PLS1: variants seen among roughly 807,000 people sequenced by gnomAD.
PLS1 encodes plastin-1.
Under a neutral mutation model 73.7 loss-of-function variants are expected in PLS1, and 32 were observed. That is an observed-to-expected ratio of 0.43 (90% confidence interval 0.33 to 0.58). The LOEUF is 0.58. Ranked by LOEUF, PLS1 falls within the 20% of genes least tolerant of loss-of-function variation. The pLI is 0.04. For synonymous variants in PLS1, 217 were observed against 261.3 expected, an observed-to-expected ratio of 0.83 and a Z score of 1.63; for missense variants, 633 against 740.5, an observed-to-expected ratio of 0.85 and a Z score of 1.68.
intron 1 of PLS1, among the ~76,000 whole-genome samples, chr3:142,604,345 G>A (rs970461533): frequency 2.6e-5 from 4 of 152,204 alleles, no homozygotes; most frequent in Non-Finnish European, 5.9e-5. Flanking sequence ...GACTCCTGCT[G>A]TCTCTTCCTG....
chr3:142,596,943 T>G (rs576285983), intron 1 of PLS1, among the ~76,000 whole-genome samples: 1 of 152,274 alleles, frequency 6.6e-6, no homozygotes, highest in East Asian at 1.9e-4. Flanking sequence ...ATCCGTGCTG[T>G]TTTTGGTACC....
At chr3:142,687,548 A>C (rs372204146) in intron 9 of PLS1, among the ~76,000 whole-genome samples, 52 of 152,292 alleles carry the variant, frequency 3.4e-4, no homozygotes, top group African/African-American at 1.3e-3. Flanking sequence ...TAAGTAAAAA[A>C]ATTAGGAACT....
intron 2 of PLS1, among the ~76,000 whole-genome samples, chr3:142,667,355 T>C (rs987950304): frequency 1.3e-5 from 2 of 151,944 alleles, no homozygotes; most frequent in Admixed American, 1.3e-4. Flanking sequence ...GCAGAGGTTG[T>C]AGTGAGCTGA....
chr3:142,647,886 T>A (rs1172322697), intron 1 of PLS1, among the ~76,000 whole-genome samples: 2 of 152,150 alleles, frequency 1.3e-5, no homozygotes, highest in African/African-American at 4.8e-5. Flanking sequence ...GAGAGCTGAC[T>A]CTCTAGTAGG....
At chr3:142,699,136 C>A (rs1166602771) in intron 12 of PLS1, among the ~76,000 whole-genome samples, 8 of 151,936 alleles carry the variant, frequency 5.3e-5, no homozygotes, top group Admixed American at 5.3e-4. Flanking sequence ...AGTATTAGGA[C>A]AAATACCTAA....
intron 11 of PLS1, among the ~76,000 whole-genome samples, chr3:142,696,162 A>G (rs1331175132): frequency 6.6e-6 from 1 of 152,210 alleles, no homozygotes; most frequent in Non-Finnish European, 1.5e-5. Flanking sequence ...GTACTTTTCT[A>G]TAATTAAAGA....
At position 142,698,035 on chromosome 3, in the gene PLS1, C is replaced by T; in HGVS notation, c.1339C>T (p.Pro447Ser). 6.2e-7 allele frequency: 1 copy of T among 1,607,816 alleles called. No homozygotes were observed. The highest frequency in any genetic ancestry group is 8.5e-7 in the Non-Finnish European group (1 of 1,174,322). The change falls in exon 12 of 16, where the codon CCT (proline) becomes TCT (serine). Residue 447 changes from proline (P) to serine (S), a missense_variant. Transcript: ENST00000457734. ...CAACTGGAGCCATGTCAACAAACCT[C>T]CTTATCCTGCCCTTGGAGGGAACAT... ...PVNWSHVNKP[P>S]YPALGGNMKK...
At chr3:142,618,980 AC>A (rs2036266142) in intron 1 of PLS1, among the ~76,000 whole-genome samples, 1 of 152,208 alleles carries the variant, frequency 6.6e-6, no homozygotes, top group Admixed American at 6.5e-5. Context: ...CCTGCCTGCC[AC>A]AGATGTGTTG....
At chr3:142,604,641 T>G (rs754023557) in intron 1 of PLS1, among the ~76,000 whole-genome samples, 1 of 152,160 alleles carries the variant, frequency 6.6e-6, no homozygotes, top group African/African-American at 2.4e-5. Context: ...CCAAATTAAA[T>G]TCAAGATTAT....
At chr3:142,669,006 G>GATA (rs1001256891) in intron 2 of PLS1, among the ~76,000 whole-genome samples, 18 of 152,176 alleles carry the variant, frequency 1.2e-4, no homozygotes, top group African/African-American at 4.3e-4. Context: ...AATCTATGGG[G>GATA]ATAAACTCGA....
At chr3:142,643,041 A>G (rs879498934) in intron 1 of PLS1, among the ~76,000 whole-genome samples, 2 of 152,134 alleles carry the variant, frequency 1.3e-5, no homozygotes, top group Admixed American at 1.3e-4. Context: ...ATTGCCTCCC[A>G]AAAGAGTTGG....
At chr3:142,651,462 CAAAAAAAA>C (rs57909380) in intron 1 of PLS1, among the ~76,000 whole-genome samples, 8 of 102,288 alleles carry the variant, frequency 7.8e-5, no homozygotes, top group Non-Finnish European at 1.1e-4. Flanking sequence ...AACTCTGTCT[CAAAAAAAA>C]AAAAAAAAAA....
chr3:142,618,570 G>A lies in PLS1; in HGVS notation c.-37+22061G>A, dbSNP rs921087646. ...CTCATTTGGGTTGCTGGCAGAATTC[G>A]GTTTCTTTTGATGGTAGACCTGAGA... On this transcript the variant is annotated intron_variant, in intron 1 of 15. Coordinates refer to ENST00000457734, the MANE Select transcript of PLS1 (RefSeq NM_001145319.2). Among the ~76,000 whole-genome samples, 4 of 152,118 alleles carry A rather than the reference G, an allele frequency of 2.6e-5. No homozygotes were observed. The South Asian group carries it at 8.3e-4, about 32-fold the overall frequency.
rs144138957 is a variant in PLS1 at position 142,684,327 on chromosome 3, C to T, written c.820C>T (p.Arg274Ter). ...MKLSPEELLL[R>*]WVNYHLTNAG... is the part of the protein sequence containing the mutation. ...GCTTTCTCCCGAGGAATTACTGCTG[C>T]GATGGGTGAACTACCATCTGACCAA... is the stretch of plus-strand genomic sequence containing the variant. Residue 274 changes from arginine (R) to a stop codon, truncating the protein, a stop_gained, in exon 8 of 16, where the codon CGA (arginine) becomes TGA (stop). Coordinates refer to ENST00000457734, the MANE Select transcript of PLS1 (RefSeq NM_001145319.2). LOFTEE classifies it high-confidence loss of function. 25 of 1,613,400 alleles carry T rather than the reference C, an allele frequency of 1.5e-5. No individual in the cohort carries two copies. Among genetic ancestry groups the T allele is most frequent in the Non-Finnish European group, 1.9e-5 (22 of 1,179,506 alleles).
intron 5 of PLS1, among the ~76,000 whole-genome samples, chr3:142,677,773 G>A (rs1183705429): frequency 1.3e-5 from 2 of 152,138 alleles, no homozygotes; most frequent in Non-Finnish European, 2.9e-5. Flanking sequence ...GTTCCGGCAT[G>A]AATTATAGTT....
At chr3:142,711,060 C>T (rs1361445105) in intron 14 of PLS1, among the ~76,000 whole-genome samples, 1 of 152,118 alleles carries the variant, frequency 6.6e-6, no homozygotes, top group African/African-American at 2.4e-5. Context: ...TGTAAAACAA[C>T]AAGACAATGT....
chr3:142,621,263 C>T (rs992823023), intron 1 of PLS1, among the ~76,000 whole-genome samples: 4 of 152,072 alleles, frequency 2.6e-5, no homozygotes, highest in African/African-American at 9.7e-5. Flanking sequence ...CATTTCCCAA[C>T]AAAGTGGAAA....
At chr3:142,619,066 A>G (rs1028541802) in intron 1 of PLS1, among the ~76,000 whole-genome samples, 1 of 152,226 alleles carries the variant, frequency 6.6e-6, no homozygotes, top group African/African-American at 2.4e-5. Context: ...GTTGATGTAC[A>G]TGAGAAAATG....
intron 1 of PLS1, among the ~76,000 whole-genome samples, chr3:142,616,808 G>A (rs2036224229): frequency 6.6e-6 from 1 of 152,010 alleles, no homozygotes; most frequent in Non-Finnish European, 1.5e-5. Context: ...CACCATGTTG[G>A]CCAGGCTGTT....
Sources: allele counts gnomAD v4.1 joint callset (sites outside exome capture counted in the v4.1 genomes callset), GRCh38; gene constraint gnomAD v4.1.1; transcripts MANE v1.5; gene names NCBI Gene and HGNC (gene_info 2026-07-23, HGNC 2026-07-21).